The following NAV2 variants were observed in gnomAD, a reference collection of about 807,000 sequenced individuals.
NAV2 encodes neuron navigator 2.
Under a neutral mutation model 223.2 loss-of-function variants are expected in NAV2, and 54 were observed. That is an observed-to-expected ratio of 0.24 (90% CI 0.19 to 0.30). NAV2 has a LOEUF of 0.30. Among genes scored for constraint, NAV2 ranks in the 10% least tolerant of loss-of-function variants. NAV2 has a pLI of 1.00. For synonymous variants in NAV2, 1,279 were observed against 1,239.3 expected, an observed-to-expected ratio of 1.03 and a Z score of -0.67; for missense variants, 2,806 against 3,147.5, an observed-to-expected ratio of 0.89 and a Z score of 2.60.
chr11:19,643,338 C>A (rs1963997), intron 1 of NAV2, among the ~76,000 whole-genome samples: 1 of 136,748 alleles, frequency 7.3e-6, no homozygotes, highest in South Asian at 2.6e-4. Context: ...CGACAGGCCC[C>A]AGTGTGTGAT....
At chr11:19,781,318 T>C (rs1418767781) in intron 1 of NAV2, among the ~76,000 whole-genome samples, 1 of 152,214 alleles carries the variant, frequency 6.6e-6, no homozygotes, top group Non-Finnish European at 1.5e-5. Flanking sequence ...TGCTCACTGC[T>C]GCAGTTCTCT....
At chr11:19,714,018 T>C in intron 1 of NAV2, 56 bp downstream of exon 1, 1 of 1,592,912 alleles carries the variant, frequency 6.3e-7, no homozygotes. Flanking sequence ...AATAGTTCTT[T>C]CGGGATGGTG....
intron 1 of NAV2, among the ~76,000 whole-genome samples, chr11:19,582,128 T>C (rs1223594729): frequency 2.0e-5 from 3 of 152,372 alleles, no homozygotes; most frequent in African/African-American, 4.8e-5. Context: ...ATGATGAGCA[T>C]TTTTTCATGT....
intron 11 of NAV2, among the ~76,000 whole-genome samples, chr11:19,989,504 T>C (rs1017543303): frequency 1.3e-5 from 2 of 152,168 alleles, no homozygotes; most frequent in African/African-American, 4.8e-5. Context: ...AACTGTGAGC[T>C]AATCAATTTT....
At position 20,048,840 on chromosome 11, in the gene NAV2, G is replaced by C; in HGVS notation, c.4015G>C (p.Asp1339His). The C allele has an allele frequency of 6.2e-7, 1 of 1,614,110 alleles. No homozygotes were observed. Among genetic ancestry groups the C allele is most frequent in the Non-Finnish European group, 8.5e-7 (1 of 1,180,022 alleles). ...HATMTQQGNL[D>H]SPSGSGVLSS... is the part of the protein sequence containing the mutation. ...CACCATGACTCAGCAAGGTAACCTA[G>C]ACTCCCCGTCAGGCAGTGGCGTCCT... The change falls in exon 15 of 38, where the codon GAC (aspartate) becomes CAC (histidine). Residue 1339 changes from aspartate to histidine, a missense_variant. Physicochemically the swap from Asp to His is moderately conservative, Grantham distance 81. Around this residue, in one of 4 missense-constraint regions of NAV2, gnomAD observed 742 missense variants for 777.9 expected, o/e 0.95. Coordinates refer to ENST00000349880, the MANE Select transcript of NAV2 (RefSeq NM_145117.5).
At chr11:19,802,768 T>G (rs1317600656) in intron 1 of NAV2, among the ~76,000 whole-genome samples, 1 of 151,612 alleles carries the variant, frequency 6.6e-6, no homozygotes, top group Non-Finnish European at 1.5e-5. Context: ...AATGGTTTTG[T>G]GGGGATGAGA....
intron 6 of NAV2, among the ~76,000 whole-genome samples, chr11:19,922,097 C>T (rs1162260360): frequency 6.6e-6 from 1 of 152,178 alleles, no homozygotes; most frequent in Non-Finnish European, 1.5e-5. Flanking sequence ...TCTCTGACCT[C>T]ACCCTCTTCA....
chr11:19,836,886 G>C (rs949642631), intron 2 of NAV2, among the ~76,000 whole-genome samples: 4 of 152,126 alleles, frequency 2.6e-5, no homozygotes, highest in Non-Finnish European at 4.4e-5. Context: ...TCTTTTCACC[G>C]TGTCCTTCCA....
chr11:19,765,357 T>G (rs929819269), intron 1 of NAV2, among the ~76,000 whole-genome samples: 1 of 148,202 alleles, frequency 6.7e-6, no homozygotes, highest in Non-Finnish European at 1.5e-5. Context: ...CTCCTCATCC[T>G]GTCCTCCTCA....
rs559727945 is a variant in NAV2, at chr11:19,905,924, C to T, written c.931+13330C>T. ...GAGCGAACCTTTTTTTGGACCCTCT[C>T]ACCTTGATAAGTTTGGTGAAGCAGG... On this transcript the variant is annotated intron_variant, in intron 6 of 37. Transcript: ENST00000349880. 3.3e-5 allele frequency among the ~76,000 whole-genome samples: 5 copies of T among 152,244 alleles called. No homozygotes were observed. The East Asian group carries it at 9.7e-4, about 29-fold the overall frequency.
chr11:19,611,233 CT>C (rs1390302923), intron 1 of NAV2, among the ~76,000 whole-genome samples: 2 of 152,200 alleles, frequency 1.3e-5, no homozygotes, highest in Non-Finnish European at 2.9e-5. Flanking sequence ...TTACCTCCCC[CT>C]GGGTCCCTCC....
chr11:19,712,643 G>GCCGCAAAGCGGCCACCAGC (rs2049951493), upstream of NAV2: 1 of 151,440 alleles, frequency 6.6e-6, no homozygotes, highest in African/African-American at 2.4e-5. Context: ...CCGGGGCAGT[G>GCCGCAAAGCGGCCACCAGC]CCGCAAAGCG....
At chr11:19,962,206 C>G (rs907715249) in intron 10 of NAV2, among the ~76,000 whole-genome samples, 3 of 151,648 alleles carry the variant, frequency 2.0e-5, no homozygotes, top group Non-Finnish European at 4.4e-5. Flanking sequence ...GAGGTAGAAT[C>G]CCCTCTTGCT....
intron 8 of NAV2, among the ~76,000 whole-genome samples, chr11:19,942,031 A>G (rs960424828): frequency 6.6e-6 from 1 of 152,160 alleles, no homozygotes; most frequent in Non-Finnish European, 1.5e-5. Flanking sequence ...TGCTCTCCCA[A>G]TCATGACTAG....
intron 1 of NAV2, among the ~76,000 whole-genome samples, chr11:19,697,185 C>T (rs1419168629): frequency 6.6e-6 from 1 of 152,128 alleles, no homozygotes; most frequent in African/African-American, 2.4e-5. Context: ...AATGGAAAAC[C>T]AAATATCGCA....
intron 1 of NAV2, among the ~76,000 whole-genome samples, chr11:19,510,628 C>T (rs1240537664): frequency 6.6e-6 from 1 of 152,198 alleles, no homozygotes; most frequent in Non-Finnish European, 1.5e-5. Flanking sequence ...GCGCTTTACC[C>T]AGGACTGCCC....
At chr11:19,424,010 C>T (rs1850723036) in intron 1 of NAV2, among the ~76,000 whole-genome samples, 1 of 152,184 alleles carries the variant, frequency 6.6e-6, no homozygotes, top group Admixed American at 6.5e-5. Flanking sequence ...ACAGGGTCCC[C>T]ATTTCCTTTG....
At chr11:19,458,539 C>T (rs1391667475) in intron 1 of NAV2, among the ~76,000 whole-genome samples, 2 of 152,216 alleles carry the variant, frequency 1.3e-5, no homozygotes, top group African/African-American at 4.8e-5. Context: ...ATTGTACCTA[C>T]TATGTGTCAG....
At chr11:19,769,737 G>C (rs559672036) in intron 1 of NAV2, among the ~76,000 whole-genome samples, 1 of 151,780 alleles carries the variant, frequency 6.6e-6, no homozygotes, top group East Asian at 1.9e-4. Flanking sequence ...GGTTTCCCAA[G>C]CCTCCCATCA....
Sources: gnomAD v4.1 joint callset for allele counts (sites outside exome capture counted in the v4.1 genomes callset) on GRCh38, gnomAD v4.1.1 for gene constraint, gnomAD v4.1.1 regional missense constraint, MANE v1.5 for transcripts, NCBI Gene and HGNC (gene_info 2026-07-23, HGNC 2026-07-21) for gene names.